The following AGBL4 variants were observed in gnomAD, a reference collection of about 807,000 sequenced individuals.
The protein encoded by AGBL4 is cytosolic carboxypeptidase 6.
A neutral mutation model predicts 66.4 loss-of-function variants in AGBL4; 58 were observed. The ratio of observed to expected loss-of-function variants is 0.87; its 90% CI spans 0.71 to 1.09. The LOEUF (loss-of-function observed/expected upper bound fraction) is 1.09, where lower values mean the gene tolerates loss of function less well. Ranked by LOEUF, AGBL4 falls within the 50% of genes least tolerant of loss-of-function variation. The pLI is 0.00. For missense variants in AGBL4, 579 were observed against 631.0 expected (o/e 0.92, Z 0.88); for synonymous variants, 234 against 222.9 (o/e 1.05, Z -0.44).
intron 11 of AGBL4, among the ~76,000 whole-genome samples, chr1:48,543,341 G>A (rs1644104793): frequency 6.6e-6 from 1 of 152,080 alleles, no homozygotes; most frequent in African/African-American, 2.4e-5. Context: ...GGGCATTTCG[G>A]GGAGAAGACA....
chr1:48,852,926 C>T (rs529271280), intron 6 of AGBL4, among the ~76,000 whole-genome samples: 12 of 152,252 alleles, frequency 7.9e-5, no homozygotes, highest in Admixed American at 5.2e-4. Context: ...TGGCGCTGGC[C>T]TCCAGGATGC....
chr1:48,551,813 A>G (rs553584604), intron 11 of AGBL4, among the ~76,000 whole-genome samples: 1 of 152,066 alleles, frequency 6.6e-6, no homozygotes, highest in Admixed American at 6.5e-5. Context: ...TCCCTGGAGC[A>G]GGGGATATCC....
intron 3 of AGBL4, among the ~76,000 whole-genome samples, chr1:49,581,348 TA>T (rs1351277378): frequency 6.6e-6 from 1 of 152,182 alleles, no homozygotes; most frequent in African/African-American, 2.4e-5. Context: ...TTCAAGAATT[TA>T]TTTTTGGTTA....
intron 1 of AGBL4, among the ~76,000 whole-genome samples, chr1:49,891,843 C>T (rs1648684872): frequency 6.6e-6 from 1 of 152,186 alleles, no homozygotes; most frequent in Non-Finnish European, 1.5e-5. Flanking sequence ...ATGTTGCTTT[C>T]ATTACAAAGA....
chr1:48,825,736 A>G (rs1045246688), intron 6 of AGBL4, among the ~76,000 whole-genome samples: 2 of 152,236 alleles, frequency 1.3e-5, no homozygotes, highest in African/African-American at 4.8e-5. Context: ...TGCATCATAT[A>G]TGCAAGTACC....
At chr1:49,745,178 T>C (rs1314558633) in intron 2 of AGBL4, among the ~76,000 whole-genome samples, 2 of 151,944 alleles carry the variant, frequency 1.3e-5, no homozygotes, top group Non-Finnish European at 2.9e-5. Flanking sequence ...AGAGCTCAAG[T>C]AAAAAATGCA....
intron 5 of AGBL4, among the ~76,000 whole-genome samples, chr1:49,038,619 C>T (rs1285110907): frequency 6.6e-6 from 1 of 152,022 alleles, no homozygotes; most frequent in African/African-American, 2.4e-5. Context: ...TCATATGTCA[C>T]TTGGGAAATG....
At chr1:49,230,817 T>A (rs749081465) in intron 4 of AGBL4, among the ~76,000 whole-genome samples, 2 of 152,170 alleles carry the variant, frequency 1.3e-5, no homozygotes, top group Non-Finnish European at 2.9e-5. Flanking sequence ...TGAGCTTATG[T>A]TTTTTCCTCC....
chr1:49,330,078 A>G (rs894127127), intron 3 of AGBL4, among the ~76,000 whole-genome samples: 4 of 152,216 alleles, frequency 2.6e-5, no homozygotes, highest in African/African-American at 9.6e-5. Context: ...ACTCATTGTG[A>G]TATTTCCTAT....
intron 6 of AGBL4, among the ~76,000 whole-genome samples, chr1:48,846,880 C>T (rs1301790799): frequency 6.6e-6 from 1 of 151,810 alleles, no homozygotes; most frequent in East Asian, 1.9e-4. Context: ...TTTGAGAAGT[C>T]CTAAAGTATT....
At chr1:48,837,317 T>A (rs1447052089) in intron 6 of AGBL4, among the ~76,000 whole-genome samples, 1 of 152,000 alleles carries the variant, frequency 6.6e-6, no homozygotes, top group East Asian at 1.9e-4. Context: ...TGGTTAATAC[T>A]GAGTGTCAAC....
At chr1:49,145,239 C>T (rs1225697124) in intron 4 of AGBL4, among the ~76,000 whole-genome samples, 1 of 152,122 alleles carries the variant, frequency 6.6e-6, no homozygotes, top group Non-Finnish European at 1.5e-5. Context: ...ATTCTCTACT[C>T]ACCACTCTTG....
chr1:49,969,410 C>A (rs1381153861), intron 1 of AGBL4, among the ~76,000 whole-genome samples: 2 of 151,882 alleles, frequency 1.3e-5, no homozygotes, highest in Admixed American at 6.6e-5. Flanking sequence ...AGGCATATTT[C>A]TAAGTATACA....
At chr1:49,819,878 G>A (rs149175384) in intron 2 of AGBL4, among the ~76,000 whole-genome samples, 132 of 152,266 alleles carry the variant, frequency 8.7e-4, no homozygotes, top group Middle Eastern at 6.8e-3. Flanking sequence ...GAAGAAAAAC[G>A]TCCTATACTT....
At chr1:49,006,430 G>GGCT (rs1661822221) in intron 5 of AGBL4, among the ~76,000 whole-genome samples, 1 of 152,174 alleles carries the variant, frequency 6.6e-6, no homozygotes. Context: ...CAAACTGCAA[G>GGCT]GCGGCAGCGA....
rs369285280 is a variant in AGBL4 at position 49,528,269 on chromosome 1, C to T, written c.282+169044G>A. On this transcript the variant is annotated intron_variant, in intron 3 of 13. Transcript: ENST00000371839. Reference sequence around the variant, plus strand: ...AGGAACAAAGAGTGTCCAATAAGTACTCATGGTACTTATGAGACACTTACG... The same window carrying T: ...AGGAACAAAGAGTGTCCAATAAGTATTCATGGTACTTATGAGACACTTACG... Among the ~76,000 whole-genome samples the T allele has an allele frequency of 3.3e-5, 5 of 152,128 alleles. No homozygotes were observed. The East Asian group carries it at 9.7e-4, about 29-fold the overall frequency.
intron 3 of AGBL4, among the ~76,000 whole-genome samples, chr1:49,247,764 C>T (rs191437137): frequency 6.6e-6 from 1 of 152,284 alleles, no homozygotes; most frequent in African/African-American, 2.4e-5. Context: ...TGATCATTAA[C>T]ATCCTACTGT....
intron 3 of AGBL4, among the ~76,000 whole-genome samples, chr1:49,369,719 A>T (rs894342869): frequency 6.6e-6 from 1 of 152,130 alleles, no homozygotes; most frequent in African/African-American, 2.4e-5. Context: ...AAAGATGAGG[A>T]AAAAAACACT....
At chr1:49,293,407 G>C (rs1644581522) in intron 3 of AGBL4, among the ~76,000 whole-genome samples, 1 of 152,160 alleles carries the variant, frequency 6.6e-6, no homozygotes, top group Admixed American at 6.5e-5. Context: ...AGGTGCCACT[G>C]GTCACAGAGG....
Sources: allele counts gnomAD v4.1 joint callset (sites outside exome capture counted in the v4.1 genomes callset), GRCh38; gene constraint gnomAD v4.1.1; transcripts MANE v1.5; gene names NCBI Gene and HGNC (gene_info 2026-07-23, HGNC 2026-07-21).